The following FAM20A variants were observed in gnomAD, a reference collection of about 807,000 sequenced individuals.
FAM20A encodes FAM20A golgi associated secretory pathway pseudokinase.
Under a neutral mutation model 52.0 loss-of-function variants are expected in FAM20A, and 42 were observed. That is an observed-to-expected ratio of 0.81 (90% CI 0.63 to 1.04). FAM20A has a LOEUF of 1.04. Ranked by LOEUF, FAM20A falls within the 50% of genes least tolerant of loss-of-function variation. The pLI is 0.00. For missense variants in FAM20A, 742 were observed against 712.7 expected, an observed-to-expected ratio of 1.04 and a Z score of -0.47; for synonymous variants, 304 against 298.9, an observed-to-expected ratio of 1.02 and a Z score of -0.18.
chr17:68,578,025 G>A (rs986415580), intron 1 of FAM20A, among the ~76,000 whole-genome samples: 7 of 150,364 alleles, frequency 4.7e-5, no homozygotes, highest in South Asian at 2.1e-4. Flanking sequence ...ACACACACAC[G>A]CACACTATTA....
At chr17:68,548,750 T>TTG (rs2086689708) in intron 4 of FAM20A, among the ~76,000 whole-genome samples, 2 of 139,186 alleles carry the variant, frequency 1.4e-5, no homozygotes, top group East Asian at 2.0e-4. Context: ...TTTTTTTTTT[T>TTG]GAGACAGAAT....
rs941049443 is a variant in FAM20A, at chr17:68,552,049, C to T, written c.641-98G>A. 11 of 767,640 alleles carry T rather than the reference C, an allele frequency of 1.4e-5. No individual in the cohort carries two copies. The Middle Eastern group carries it at 8.9e-4, about 62-fold the overall frequency. 47.6% of individuals were successfully genotyped at this position (767,640 alleles called of 1,614,324 possible). On this transcript the variant is annotated intron_variant, in intron 3 of 10. Coordinates refer to ENST00000592554, the MANE Select transcript of FAM20A (RefSeq NM_017565.4). ...TAAGCCCAGCTGACTTCGCTTTCCT[C>T]TTATGTAATGAGACCCTAAAGACTA...
rs1399929102 is a variant in FAM20A, at chr17:68,537,844, G to A, written c.1362-103C>T. 22 of 1,294,920 alleles carry A rather than the reference G, an allele frequency of 1.7e-5. No homozygotes were observed. In the East Asian group the frequency reaches 2.3e-4, roughly 13 times the overall value. The allele number at this position is 1,294,920 out of a possible 1,614,324, so 80.2% of individuals were successfully genotyped here. On this transcript the variant is annotated intron_variant, in intron 10 of 10. Transcript: ENST00000592554. This position sits in a 1 kb window ranked among gnomAD's most constrained non-coding sequence, Gnocchi z 4.2. ...AGCTGTTGTAGCTGATACTCTTGGC[G>A]CCTCTCCTTGTGTCTTCTCAGGCAC... is the stretch of plus-strand genomic sequence containing the variant.
intron 1 of FAM20A, among the ~76,000 whole-genome samples, chr17:68,573,475 C>CTCTT (rs1392490720): frequency 1.6e-5 from 2 of 125,752 alleles, no homozygotes; most frequent in Non-Finnish European, 3.5e-5. Flanking sequence ...TTCTTTCTTT[C>CTCTT]TCTTTCTTTC....
At chr17:68,599,920 G>C (rs1014209694) in intron 1 of FAM20A, among the ~76,000 whole-genome samples, 1 of 152,212 alleles carries the variant, frequency 6.6e-6, no homozygotes, top group African/African-American at 2.4e-5. Flanking sequence ...GACAGAGAGT[G>C]GGGTTTGGGA....
At position 68,600,301 on chromosome 17, in the gene FAM20A, C is replaced by G; in HGVS notation, c.366G>C (p.Ala122=). 1 of 1,581,296 alleles carries G rather than the reference C, an allele frequency of 6.3e-7. No individual in the cohort carries two copies. The highest frequency in any genetic ancestry group is 1.2e-5 in the South Asian group (1 of 86,416). ...AEDSLLASQE[A]LRYYRRKVAR... ...CCACCTTCCTCCGGTAATACCGCAGCGCCTCCTGGCTGGCCAGGAGCGAGT... is the reference window on the plus strand; with the variant it reads ...CCACCTTCCTCCGGTAATACCGCAGGGCCTCCTGGCTGGCCAGGAGCGAGT... The change falls in exon 1 of 11, where the codon GCG becomes GCC. Residue 122 remains alanine (A), a synonymous_variant. Transcript: ENST00000592554. The surrounding 1 kb of genome is among the most constrained non-coding windows in gnomAD (Gnocchi z 6.2).
At chr17:68,590,203 G>C (rs1472235055) in intron 1 of FAM20A, 3 of 152,186 alleles carry the variant, frequency 2.0e-5, no homozygotes, top group African/African-American at 7.2e-5. Context: ...AGTTCATGAA[G>C]CACACTTGGA....
intron 1 of FAM20A, among the ~76,000 whole-genome samples, chr17:68,560,424 C>T (rs978795056): frequency 4.6e-5 from 7 of 152,012 alleles, no homozygotes; most frequent in African/African-American, 9.7e-5. Flanking sequence ...ATCTATGAAC[C>T]GGAAAGCAGG....
intron 1 of FAM20A, among the ~76,000 whole-genome samples, chr17:68,556,938 A>G (rs2087069594): frequency 2.0e-5 from 3 of 152,082 alleles, no homozygotes; most frequent in Non-Finnish European, 4.4e-5. Flanking sequence ...TCATTGGTGG[A>G]GAGTTTTAAA....
chr17:68,574,756 A>G (rs1028797422), intron 1 of FAM20A, among the ~76,000 whole-genome samples: 31 of 152,240 alleles, frequency 2.0e-4, no homozygotes, highest in African/African-American at 7.0e-4. Context: ...ATTCCCTAGG[A>G]TGGTCCCTGG....
intron 4 of FAM20A, among the ~76,000 whole-genome samples, chr17:68,547,645 G>T (rs2086631577): frequency 6.6e-6 from 1 of 152,196 alleles, no homozygotes; most frequent in African/African-American, 2.4e-5. Context: ...TTTCTCACCT[G>T]TCTCAGCCTT....
intron 1 of FAM20A, among the ~76,000 whole-genome samples, chr17:68,563,574 G>C (rs774472481): frequency 2.6e-5 from 4 of 150,976 alleles, no homozygotes; most frequent in Non-Finnish European, 4.4e-5. Flanking sequence ...GTTTTTAGGG[G>C]CTTTTTTTTT....
chr17:68,540,492 G>C (rs146701149), intron 8 of FAM20A: 56 of 473,262 alleles, frequency 1.2e-4, no homozygotes, highest in African/African-American at 8.8e-4. Context: ...GTGTGTCCGT[G>C]GCCTCGCCTG....
At chr17:68,542,456 C>T (rs530280321) in intron 6 of FAM20A, among the ~76,000 whole-genome samples, 15 of 152,158 alleles carry the variant, frequency 9.9e-5, no homozygotes, top group Admixed American at 5.9e-4. Flanking sequence ...GGGAGGCCAG[C>T]ATTGTAGGGT....
chr17:68,600,178 G>A lies in FAM20A; in HGVS notation c.404+85C>T. On this transcript the variant is annotated intron_variant, in intron 1 of 10. Coordinates refer to ENST00000592554, the MANE Select transcript of FAM20A (RefSeq NM_017565.4). This position sits in a 1 kb window ranked among gnomAD's most constrained non-coding sequence, Gnocchi z 6.2. ...GGTGGAGCCGCTGCAGCCCTGGGCC[G>A]GGGGCGTCAGGAAACTCGAGACTGG... 6.8e-7 allele frequency: 1 copy of A among 1,460,086 alleles called. No individual in the cohort carries two copies. The allele number at this position is 1,460,086 out of a possible 1,614,324, so 90.4% of individuals were successfully genotyped here. A position where few individuals can be genotyped will look rare whatever the true frequency, so the allele number is the denominator to read the frequency against.
At chr17:68,561,724 C>T (rs557935433) in intron 1 of FAM20A, among the ~76,000 whole-genome samples, 6 of 151,878 alleles carry the variant, frequency 4.0e-5, no homozygotes, top group Admixed American at 2.6e-4. Flanking sequence ...TATCAAGTAA[C>T]CTTATTATAA....
intron 1 of FAM20A, among the ~76,000 whole-genome samples, chr17:68,597,266 A>C (rs1314198012): frequency 6.6e-6 from 1 of 151,804 alleles, no homozygotes; most frequent in African/African-American, 2.4e-5. Flanking sequence ...CTTGTGGGCA[A>C]GTGGCGAAGA....
chr17:68,567,288 C>CT (rs1176405825), intron 1 of FAM20A, among the ~76,000 whole-genome samples: 6 of 152,038 alleles, frequency 3.9e-5, no homozygotes, highest in African/African-American at 1.2e-4. Context: ...TCTAATGCTG[C>CT]TTTTTTTGTT....
At chr17:68,570,619 C>T (rs893640830) in intron 1 of FAM20A, among the ~76,000 whole-genome samples, 1 of 152,174 alleles carries the variant, frequency 6.6e-6, no homozygotes, top group Non-Finnish European at 1.5e-5. Context: ...CCAACTTTGT[C>T]ACATCTTAAA....
Sources: gnomAD v4.1 joint callset for allele counts (sites outside exome capture counted in the v4.1 genomes callset) on GRCh38, gnomAD v4.1.1 for gene constraint, Gnocchi (gnomAD v3.1) non-coding constraint, MANE v1.5 for transcripts, NCBI Gene and HGNC (gene_info 2026-07-23, HGNC 2026-07-21) for gene names.